Variants in TMEM254 observed in about 807,000 individuals in gnomAD.
The protein encoded by TMEM254 is transmembrane protein C10orf57.
TMEM254 carries 16 observed loss-of-function variants against 13.9 expected under a neutral mutation model. The ratio of observed to expected loss-of-function variants is 1.15; its 90% CI spans 0.78 to 1.75. TMEM254 has a LOEUF of 1.75. Ranked by LOEUF, TMEM254 falls within the 40% of genes most tolerant of loss-of-function variation. TMEM254 has a pLI of 0.00. For missense variants in TMEM254, 155 were observed against 149.0 expected (o/e 1.04, Z -0.21); for synonymous variants, 61 against 56.4 (o/e 1.08, Z -0.36).
intron 3 of TMEM254, among the ~76,000 whole-genome samples, chr10:80,088,963 G>A (rs1292260855): frequency 6.6e-6 from 1 of 150,902 alleles, no homozygotes; most frequent in Non-Finnish European, 1.5e-5. Flanking sequence ...CCAGACTGGA[G>A]TTCAGTGGCA....
chr10:80,080,399 T>C (rs916457691), intron 1 of TMEM254, among the ~76,000 whole-genome samples: 2 of 152,206 alleles, frequency 1.3e-5, no homozygotes, highest in Non-Finnish European at 2.9e-5. Context: ...AAGTTAAGAT[T>C]ACGAAAAATT....
chr10:80,090,905 A>G lies in TMEM254; in HGVS notation c.360A>G (p.Gln120=). 1 of 1,613,668 alleles carries G rather than the reference A, an allele frequency of 6.2e-7. No individual in the cohort carries two copies. Among genetic ancestry groups the G allele is most frequent in the Non-Finnish European group, 8.5e-7 (1 of 1,179,892 alleles). The change falls in exon 4 of 4, where the codon CAA becomes CAG. Residue 120 remains glutamine (Q), a synonymous_variant. Transcript: ENST00000372281. ...TILIAYKRKR[Q]KQT ...TGATTGCTTACAAACGGAAGCGCCAAAAACAAACTTGAAGTTGTCTGAAAG... is the reference window on the plus strand; with the variant it reads ...TGATTGCTTACAAACGGAAGCGCCAGAAACAAACTTGAAGTTGTCTGAAAG...
At position 80,081,810 on chromosome 10, in the gene TMEM254, T is replaced by C. The variant is rs368628374; in HGVS notation, c.88-31T>C. The C allele has an allele frequency of 3.1e-6, 5 of 1,613,622 alleles. No individual in the cohort carries two copies. In the Admixed American group the frequency reaches 5.0e-5, roughly 16 times the overall value. On this transcript the variant is annotated intron_variant, in intron 1 of 3. Coordinates refer to ENST00000372281, the MANE Select transcript of TMEM254 (RefSeq NM_025125.4). ...AAAAAACAGGTTTTAAGTGACCTAA[T>C]AGGTATTCTGTGTCTCTGCTTCTCT...
In TMEM254 at chr10:80,091,894, T is replaced by C. The variant is rs1447780889; in HGVS notation, c.*977T>C. On this transcript the variant is annotated 3_prime_UTR_variant, in exon 4 of 4. Coordinates refer to ENST00000372281, the MANE Select transcript of TMEM254 (RefSeq NM_025125.4). ...TGGTACCACCTTTTTTGTGGTTTCGTTGGTGAGAAACCTTTATCTTTTTCA... is the reference window on the plus strand; with the variant it reads ...TGGTACCACCTTTTTTGTGGTTTCGCTGGTGAGAAACCTTTATCTTTTTCA... 2 of 152,262 alleles carry C rather than the reference T, an allele frequency of 1.3e-5. No homozygotes were observed. The highest frequency in any genetic ancestry group is 2.4e-5 in the African/African-American group (1 of 41,468). 9.4% of individuals were successfully genotyped at this position (152,262 alleles called of 1,614,324 possible). A position where few individuals can be genotyped will look rare whatever the true frequency, so the allele number is the denominator to read the frequency against.
In TMEM254 at chr10:80,090,798, CATAAAG is replaced by C. The variant is rs1564575031; in HGVS notation, c.254_259del (p.His85_Gly87delinsArg). 2 of 1,612,134 alleles carry C rather than the reference CATAAAG, an allele frequency of 1.2e-6. No individual in the cohort carries two copies. Among genetic ancestry groups the C allele is most frequent in the East Asian group, 4.5e-5 (2 of 44,844 alleles). On this transcript the variant is annotated inframe_deletion and splice_region_variant, in exon 4 of 4. Coordinates refer to ENST00000372281, the MANE Select transcript of TMEM254 (RefSeq NM_025125.4). ...TAAATTTTGTTTTTTCTGTTTTAGG[CATAAAG>C]GCATCACAAGTGGTCGGGCTCAGCT... is the stretch of plus-strand genomic sequence containing the variant.
chr10:80,088,737 C>T (rs1451454298), intron 3 of TMEM254, among the ~76,000 whole-genome samples: 3 of 141,186 alleles, frequency 2.1e-5, no homozygotes, highest in Non-Finnish European at 4.6e-5. Flanking sequence ...CACTGCACTC[C>T]AGCCTGGGCG....
intron 3 of TMEM254, among the ~76,000 whole-genome samples, chr10:80,088,511 G>A (rs1844421522): frequency 6.6e-6 from 1 of 150,712 alleles, no homozygotes; most frequent in Non-Finnish European, 1.5e-5. Flanking sequence ...ATGATGAAAT[G>A]ATCTGTTTCC....
chr10:80,081,773 A>C, intron 1 of TMEM254, 68 bp from the exon 2 acceptor site: 3 of 1,609,200 alleles, frequency 1.9e-6, no homozygotes, highest in Non-Finnish European at 2.5e-6. Flanking sequence ...AGCCTTTCTC[A>C]AAAACAAAAA....
intron 3 of TMEM254, chr10:80,086,144 C>T: frequency 2.6e-6 from 2 of 775,208 alleles, no homozygotes; most frequent in Non-Finnish European, 3.7e-6. Context: ...GAGATTTTTG[C>T]ATCTGCTTGG....
At chr10:80,086,968 A>G (rs1844348113) in intron 3 of TMEM254, among the ~76,000 whole-genome samples, 1 of 151,808 alleles carries the variant, frequency 6.6e-6, no homozygotes. Flanking sequence ...CCTGTTTTAA[A>G]TTTTATTTTG....
At chr10:80,088,824 C>T (rs1202129891) in intron 3 of TMEM254, among the ~76,000 whole-genome samples, 1 of 151,642 alleles carries the variant, frequency 6.6e-6, no homozygotes, top group Non-Finnish European at 1.5e-5. Flanking sequence ...TGTCAAACTC[C>T]TGGGCTCAAG....
chr10:80,079,262 C>T, intron 1 of TMEM254: 1 of 1,229,608 alleles, frequency 8.1e-7, no homozygotes, highest in Non-Finnish European at 1.0e-6. Context: ...GCTCTGGGAA[C>T]GGGGCCTGTG....
chr10:80,078,739 A>G lies in TMEM254; in HGVS notation c.40A>G (p.Ser14Gly). 2 of 1,609,058 alleles carry G rather than the reference A, an allele frequency of 1.2e-6. No homozygotes were observed. Among genetic ancestry groups the G allele is most frequent in the Non-Finnish European group, 1.7e-6 (2 of 1,178,250 alleles). ...CGGCGCGACCTACTTTCAGCGAGGC[A>G]GTCTGTTCTGGTTCACAGTCATCAC... is the stretch of plus-strand genomic sequence containing the variant. ...AAGATYFQRG[S>G]LFWFTVITLS... The change falls in exon 1 of 4, where the codon AGT (serine) becomes GGT (glycine). Residue 14 changes from serine (S) to glycine (G), a missense_variant. Physicochemically the swap from Ser to Gly is moderately conservative, Grantham distance 56. Coordinates refer to ENST00000372281, the MANE Select transcript of TMEM254 (RefSeq NM_025125.4).
intron 3 of TMEM254, among the ~76,000 whole-genome samples, chr10:80,089,981 G>A (rs1413453376): frequency 1.3e-5 from 2 of 150,322 alleles, no homozygotes; most frequent in African/African-American, 2.5e-5. Context: ...CTCCAGCCTG[G>A]GTGACAGAGC....
chr10:80,079,240 A>G, intron 1 of TMEM254: 1 of 1,256,254 alleles, frequency 8.0e-7, no homozygotes, highest in East Asian at 5.8e-5. Flanking sequence ...GGGCCCTCGT[A>G]GGGCGAGGGG....
chr10:80,086,123 G>A, intron 3 of TMEM254: 1 of 585,866 alleles, frequency 1.7e-6, no homozygotes, highest in Non-Finnish European at 2.7e-6. Context: ...AGGAAAAAGT[G>A]TACTCACAAA....
intron 3 of TMEM254, among the ~76,000 whole-genome samples, chr10:80,086,039 G>T (rs1262621328): frequency 6.6e-6 from 1 of 152,012 alleles, no homozygotes; most frequent in East Asian, 1.9e-4. Flanking sequence ...TCTGTGACAG[G>T]GCAGCCTCGA....
intron 3 of TMEM254, chr10:80,086,329 G>T: frequency 1.7e-6 from 2 of 1,199,830 alleles, no homozygotes; most frequent in South Asian, 4.1e-5. Context: ...CACCAACTGT[G>T]ACCCTTCTGA....
intron 3 of TMEM254, among the ~76,000 whole-genome samples, chr10:80,082,481 G>C (rs1169323300): frequency 2.6e-5 from 4 of 152,194 alleles, no homozygotes; most frequent in Admixed American, 6.5e-5. Flanking sequence ...GCCCCAACTA[G>C]ATCAAAAGAC....
Sources: gnomAD v4.1 joint callset for allele counts (sites outside exome capture counted in the v4.1 genomes callset) on GRCh38, gnomAD v4.1.1 for gene constraint, MANE v1.5 for transcripts, NCBI Gene and HGNC (gene_info 2026-07-23, HGNC 2026-07-21) for gene names.